The following RORA variants were observed in gnomAD, a reference collection of about 807,000 sequenced individuals.
The protein encoded by RORA is nuclear receptor ROR-alpha.
In RORA, 7 loss-of-function variants were observed where a neutral mutation model predicts 69.5. The ratio of observed to expected loss-of-function variants is 0.10; its 90% confidence interval spans 0.06 to 0.19. The LOEUF is 0.19. RORA is among the 10% of genes least tolerant of loss of function. RORA has a pLI of 1.00. For synonymous variants in RORA, 261 were observed against 240.8 expected (o/e 1.08, Z -0.78); for missense variants, 457 against 663.0 (o/e 0.69, Z 3.41).
chr15:61,140,678 A>C (rs78512626), intron 1 of RORA, among the ~76,000 whole-genome samples: 18,559 of 152,026 alleles, frequency 0.12, 1,410 homozygotes, highest in Non-Finnish European at 0.17. Context: ...TATGGATGGG[A>C]GAAAAAAAAA....
chr15:61,137,087 GAAA>G (rs2079251780), intron 1 of RORA, among the ~76,000 whole-genome samples: 4 of 145,326 alleles, frequency 2.8e-5, no homozygotes, highest in South Asian at 2.2e-4. Flanking sequence ...AAGAAAGAAA[GAAA>G]GAAAGAAAGA....
chr15:60,706,114 A>G (rs2071059440), intron 1 of RORA: 1 of 152,188 alleles, frequency 6.6e-6, no homozygotes, highest in South Asian at 2.1e-4. Context: ...GACAAGAAGA[A>G]TCAATTGAGT....
chr15:61,024,608 G>A (rs994881141), intron 1 of RORA, among the ~76,000 whole-genome samples: 9 of 151,562 alleles, frequency 5.9e-5, no homozygotes, highest in Admixed American at 5.3e-4. Context: ...GCACCACCAC[G>A]CCCAGCTAAT....
In RORA at chr15:61,229,037, C is replaced by T. The variant is rs2080175737; in HGVS notation, c.166+16G>A. 6.8e-7 allele frequency: 1 copy of T among 1,469,050 alleles called. No individual in the cohort carries two copies. Among genetic ancestry groups the T allele is most frequent in the Non-Finnish European group, 9.1e-7 (1 of 1,104,594 alleles). 91.0% of individuals were successfully genotyped at this position (1,469,050 alleles called of 1,614,324 possible). On this transcript the variant is annotated intron_variant, in intron 1 of 10. Coordinates refer to ENST00000335670, the MANE Select transcript of RORA (RefSeq NM_134261.3). The stretch of plus-strand genomic sequence containing the variant: ...GCTCCCGCCGCCCCCTCCCCAGCCC[C>T]TCTCCAGCCTCCTACCTCTGCTGGT...
chr15:60,659,010 G>C (rs2070264032), intron 2 of RORA, among the ~76,000 whole-genome samples: 1 of 152,188 alleles, frequency 6.6e-6, no homozygotes, highest in African/African-American at 2.4e-5. Context: ...GTAAGCCCGA[G>C]GAGGAGGAAC....
At chr15:60,730,482 A>C (rs1226186181) in intron 1 of RORA, among the ~76,000 whole-genome samples, 1 of 152,226 alleles carries the variant, frequency 6.6e-6, no homozygotes, top group Non-Finnish European at 1.5e-5. Context: ...AAAATCTTAA[A>C]AAATGCAGTA....
At position 60,495,341 on chromosome 15, in the gene RORA, CAT is replaced by C. The variant is rs1298771177; in HGVS notation, c.*2112_*2113del. The C allele has an allele frequency of 2.6e-5, 4 of 152,158 alleles. No homozygotes were observed. The highest frequency in any genetic ancestry group is 5.9e-5 in the Non-Finnish European group (4 of 68,022). 9.4% of individuals were successfully genotyped at this position (152,158 alleles called of 1,614,324 possible). A position where few individuals can be genotyped will look rare whatever the true frequency, so the allele number is the denominator to read the frequency against. On this transcript the variant is annotated 3_prime_UTR_variant, in exon 11 of 11. Transcript: ENST00000335670. The stretch of plus-strand genomic sequence containing the variant: ...GACAGTTAGCATCTCTCTATAAACA[CAT>C]AAAATTTTACATGCCTGTAAGAAAT...
chr15:60,500,855 A>T, intron 9 of RORA, 104 bp downstream of exon 9: 1 of 631,906 alleles, frequency 1.6e-6, no homozygotes, highest in Non-Finnish European at 2.8e-6. Flanking sequence ...GACCTCTCTT[A>T]GTAGCTCCCA....
At chr15:61,123,293 G>T (rs558223232) in intron 1 of RORA, among the ~76,000 whole-genome samples, 40 of 152,198 alleles carry the variant, frequency 2.6e-4, no homozygotes, top group South Asian at 8.3e-4. Context: ...ATGAGGCGAG[G>T]GGGGAGCAGG....
intron 1 of RORA, among the ~76,000 whole-genome samples, chr15:60,753,007 AT>A (rs1004598284): frequency 6.6e-6 from 1 of 152,162 alleles, no homozygotes; most frequent in Non-Finnish European, 1.5e-5. Flanking sequence ...GTTGACTTGA[AT>A]TTTTTTACTC....
At chr15:60,632,205 A>C (rs1280618506) in intron 2 of RORA, among the ~76,000 whole-genome samples, 4 of 151,558 alleles carry the variant, frequency 2.6e-5, no homozygotes, top group African/African-American at 9.7e-5. Context: ...TCCCGGATTC[A>C]CGCCATTCTC....
chr15:61,102,252 C>T (rs187028521), intron 1 of RORA, among the ~76,000 whole-genome samples: 26 of 152,270 alleles, frequency 1.7e-4, no homozygotes, highest in African/African-American at 6.3e-4. Flanking sequence ...AGAAGCCCCC[C>T]CTCAACCCGA....
chr15:61,192,867 C>A (rs976697095), intron 1 of RORA, among the ~76,000 whole-genome samples: 2 of 152,144 alleles, frequency 1.3e-5, no homozygotes, highest in Non-Finnish European at 2.9e-5. Flanking sequence ...CTAACACTTG[C>A]CTTACAGGGC....
At chr15:61,021,039 G>T (rs2140415456) in intron 1 of RORA, among the ~76,000 whole-genome samples, 1 of 152,206 alleles carries the variant, frequency 6.6e-6, no homozygotes, top group East Asian at 1.9e-4. Flanking sequence ...CAAGGTCAGG[G>T]ATCCGGGCCA....
chr15:60,627,243 G>T (rs1567132111), intron 2 of RORA: 1 of 1,614,162 alleles, frequency 6.2e-7, no homozygotes, highest in Non-Finnish European at 8.5e-7. Context: ...CTTACCTTCT[G>T]GCTCCTTCAC....
intron 2 of RORA, among the ~76,000 whole-genome samples, chr15:60,637,596 T>C (rs1214097664): frequency 6.6e-6 from 1 of 152,116 alleles, no homozygotes; most frequent in Non-Finnish European, 1.5e-5. Context: ...GGATTTGTTA[T>C]ACGGCGTGAA....
chr15:60,597,203 G>C (rs1017750931), intron 2 of RORA, among the ~76,000 whole-genome samples: 3 of 152,010 alleles, frequency 2.0e-5, no homozygotes, highest in Non-Finnish European at 2.9e-5. Flanking sequence ...TGAAAGATTT[G>C]ACTAAATGGA....
intron 2 of RORA, among the ~76,000 whole-genome samples, chr15:60,579,064 G>GTTTTTTTT (rs869076097): frequency 7.7e-6 from 1 of 129,696 alleles, no homozygotes. Context: ...ACCGCGCCCG[G>GTTTTTTTT]TTTTTTTTTT....
chr15:61,103,282 G>A (rs563071297), intron 1 of RORA, among the ~76,000 whole-genome samples: 2 of 152,270 alleles, frequency 1.3e-5, no homozygotes, highest in South Asian at 2.1e-4. Context: ...AGGCAGGAGG[G>A]AGCCTTCACC....
Sources: allele counts gnomAD v4.1 joint callset (sites outside exome capture counted in the v4.1 genomes callset), GRCh38; gene constraint gnomAD v4.1.1; transcripts MANE v1.5; gene names NCBI Gene and HGNC (gene_info 2026-07-23, HGNC 2026-07-21).